The following ATRNL1 variants were observed in gnomAD, a reference collection of about 807,000 sequenced individuals.
The protein encoded by ATRNL1 is attractin like 1, also known as attractin-like protein 1.
Under a neutral mutation model 182.7 loss-of-function variants are expected in ATRNL1, and 95 were observed. The ratio of observed to expected loss-of-function variants is 0.52; its 90% CI spans 0.44 to 0.62. The LOEUF (loss-of-function observed/expected upper bound fraction) is 0.62. ATRNL1 is among the 20% of genes least tolerant of loss of function. ATRNL1 has a pLI of 0.00. For missense variants in ATRNL1, 1,471 were observed against 1,679.5 expected (o/e 0.88, Z 2.17); for synonymous variants, 576 against 568.3 (o/e 1.01, Z -0.19).
chr10:115,630,712 AATAG>A (rs1446375791), intron 26 of ATRNL1, among the ~76,000 whole-genome samples: 6 of 147,976 alleles, frequency 4.1e-5, no homozygotes, highest in Admixed American at 2.0e-4. Context: ...ATCCATATTG[AATAG>A]ATATTTAATA....
chr10:115,228,983 T>TCTCGAACTCCTGGC (rs1849815611), intron 9 of ATRNL1, among the ~76,000 whole-genome samples: 1 of 151,922 alleles, frequency 6.6e-6, no homozygotes, highest in South Asian at 2.1e-4. Flanking sequence ...GCCAGGCTGG[T>TCTCGAACTCCTGGC]CTCGAACTCC....
intron 21 of ATRNL1, among the ~76,000 whole-genome samples, chr10:115,454,279 A>T (rs1269937903): frequency 6.6e-6 from 1 of 152,104 alleles, no homozygotes; most frequent in Non-Finnish European, 1.5e-5. Flanking sequence ...TCATGCCAGT[A>T]CCAAACTATT....
intron 7 of ATRNL1, among the ~76,000 whole-genome samples, chr10:115,168,859 GT>G (rs2144072072): frequency 6.6e-6 from 1 of 151,416 alleles, no homozygotes; most frequent in South Asian, 2.1e-4. Context: ...TTGTGATTTG[GT>G]GTCATATTTA....
chr10:115,644,032 T>A (rs966239719), intron 26 of ATRNL1, among the ~76,000 whole-genome samples: 4 of 152,176 alleles, frequency 2.6e-5, no homozygotes, highest in African/African-American at 9.7e-5. Flanking sequence ...AGTGGCTTTA[T>A]TCATAAACAC....
At chr10:115,547,897 T>TA (rs1450519706) in intron 25 of ATRNL1, among the ~76,000 whole-genome samples, 7 of 152,194 alleles carry the variant, frequency 4.6e-5, no homozygotes, top group Non-Finnish European at 8.8e-5. Context: ...GGTGCTATGT[T>TA]AAAAAATCAC....
In ATRNL1 at chr10:115,893,141, C is replaced by T. The variant is rs376017834; in HGVS notation, c.4018+45150C>T. Among the ~76,000 whole-genome samples the T allele has an allele frequency of 5.3e-5, 8 of 152,046 alleles. No homozygotes were observed. The South Asian group carries it at 8.3e-4, about 16-fold the overall frequency. On this transcript the variant is annotated intron_variant, in intron 28 of 28. Transcript: ENST00000355044. ...GGAACCACTGCTGACAATGCAGGTT[C>T]GAGTTTCATCATATAGATAACGGCA...
At chr10:115,447,852 G>T (rs1847082497) in intron 21 of ATRNL1, among the ~76,000 whole-genome samples, 1 of 151,834 alleles carries the variant, frequency 6.6e-6, no homozygotes, top group African/African-American at 2.4e-5. Context: ...ATTAATTTAT[G>T]CTCCATCATG....
chr10:115,809,403 T>C (rs975464737), intron 27 of ATRNL1, among the ~76,000 whole-genome samples: 6 of 152,042 alleles, frequency 3.9e-5, no homozygotes, highest in Non-Finnish European at 1.5e-5. Flanking sequence ...TATGGACCAA[T>C]ATAGGGGGAA....
intron 21 of ATRNL1, among the ~76,000 whole-genome samples, chr10:115,454,415 T>G (rs896601103): frequency 2.0e-5 from 3 of 151,700 alleles, no homozygotes; most frequent in Non-Finnish European, 4.4e-5. Flanking sequence ...ATTTTAGGAG[T>G]TTTTTCTTTC....
At chr10:115,578,526 C>T (rs146913984) in intron 26 of ATRNL1, among the ~76,000 whole-genome samples, 169 of 151,584 alleles carry the variant, frequency 1.1e-3, no homozygotes, top group Non-Finnish European at 1.9e-3. Context: ...TATCCAATTT[C>T]TTGGCATGTA....
Position 115,532,873 on chromosome 10 carries a change from A to G in ATRNL1, c.3716+13549A>G, listed in dbSNP as rs566297456. ...CTTTTCTGCATCTATTGATATAATC[A>G]TGTGGTTTTTGTCTTTGGTTCTGTT... On this transcript the variant is annotated intron_variant, in intron 25 of 28. Transcript: ENST00000355044. 8.3e-3 allele frequency among the ~76,000 whole-genome samples: 1,265 copies of G among 152,250 alleles called. 16 individuals are homozygous for G. Among genetic ancestry groups the G allele is most frequent in the African/African-American group, 0.029 (1,205 of 41,530 alleles).
intron 28 of ATRNL1, among the ~76,000 whole-genome samples, chr10:115,910,913 T>G (rs1952655644): frequency 6.6e-6 from 1 of 152,246 alleles, no homozygotes; most frequent in African/African-American, 2.4e-5. Context: ...TTTCGTTTTT[T>G]GCTTTCTAGT....
intron 5 of ATRNL1, among the ~76,000 whole-genome samples, chr10:115,157,777 AG>A (rs1330159966): frequency 6.6e-6 from 1 of 152,096 alleles, no homozygotes; most frequent in Non-Finnish European, 1.5e-5. Flanking sequence ...TAAAATCCAA[AG>A]CTTCTGGTGG....
chr10:115,923,298 C>CT lies in ATRNL1; in HGVS notation c.4019-21357dup, dbSNP rs568693225. 1.8e-4 allele frequency among the ~76,000 whole-genome samples: 28 copies of CT among 152,216 alleles called. No individual in the cohort carries two copies. In the East Asian group the frequency reaches 5.2e-3, roughly 28 times the overall value. On this transcript the variant is annotated intron_variant, in intron 28 of 28. Coordinates refer to ENST00000355044, the MANE Select transcript of ATRNL1 (RefSeq NM_207303.4). The stretch of plus-strand genomic sequence containing the variant: ...AGAATTCTATTTTTCTTAAATTTTA[C>CT]TTTAAGTTCTGGGACACAGGTATAG...
At chr10:115,381,584 A>G (rs1407325823) in intron 19 of ATRNL1, among the ~76,000 whole-genome samples, 1 of 151,548 alleles carries the variant, frequency 6.6e-6, no homozygotes, top group Non-Finnish European at 1.5e-5. Flanking sequence ...TGTTTTTATT[A>G]TTTAATAGAA....
At chr10:115,825,894 C>G (rs1950420008) in intron 27 of ATRNL1, among the ~76,000 whole-genome samples, 1 of 152,110 alleles carries the variant, frequency 6.6e-6, no homozygotes, top group Non-Finnish European at 1.5e-5. Flanking sequence ...GTCTTTCCCA[C>G]TTGAACTATT....
chr10:115,302,833 A>G (rs577898864), intron 17 of ATRNL1, among the ~76,000 whole-genome samples: 47 of 138,418 alleles, frequency 3.4e-4, no homozygotes, highest in African/African-American at 1.6e-3. Flanking sequence ...TAGGAACTTA[A>G]GACCGTGTGA....
chr10:115,617,010 C>T (rs1306513441), intron 26 of ATRNL1, among the ~76,000 whole-genome samples: 1 of 152,178 alleles, frequency 6.6e-6, no homozygotes, highest in Admixed American at 6.5e-5. Flanking sequence ...CCTCAGACCC[C>T]AGAATGTTAG....
At position 115,300,958 on chromosome 10, in the gene ATRNL1, C is replaced by G. The variant is rs142509201; in HGVS notation, c.2629+711C>G. Among the ~76,000 whole-genome samples, 24 of 152,260 alleles carry G rather than the reference C, an allele frequency of 1.6e-4. No homozygotes were observed. In the East Asian group the frequency reaches 2.5e-3, roughly 16 times the overall value. On this transcript the variant is annotated intron_variant, in intron 16 of 28. Transcript: ENST00000355044. ...TCTACTTTCTGTCTCTATGAATTTA[C>G]TACTTCAGGTACCTCATATGGTGAA...
Sources: allele counts gnomAD v4.1 joint callset (sites outside exome capture counted in the v4.1 genomes callset), GRCh38; gene constraint gnomAD v4.1.1; transcripts MANE v1.5; gene names NCBI Gene and HGNC (gene_info 2026-07-23, HGNC 2026-07-21).